The following C3orf80 variants were observed in gnomAD, a reference collection of about 807,000 sequenced individuals.
C3orf80 encodes the protein uncharacterized membrane protein C3orf80.
C3orf80 carries 10 observed loss-of-function variants against 15.8 expected under a neutral mutation model. The observed-to-expected ratio is 0.63, with a 90% CI of 0.39 to 1.07. The LOEUF (loss-of-function observed/expected upper bound fraction) is 1.07, where lower values mean the gene tolerates loss of function less well. Ranked by LOEUF, C3orf80 falls within the 50% of genes least tolerant of loss-of-function variation. The pLI, the probability that C3orf80 is intolerant of heterozygous loss-of-function variation, is 0.01. For missense variants in C3orf80, 364 were observed against 379.3 expected, an observed-to-expected ratio of 0.96 and a Z score of 0.34; for synonymous variants, 183 against 192.0, an observed-to-expected ratio of 0.95 and a Z score of 0.39.
Position 160,225,536 on chromosome 3 carries a change from G to A in C3orf80, c.-100G>A, listed in dbSNP as rs1406257855. The A allele has an allele frequency of 5.3e-6, 6 of 1,132,516 alleles. No homozygotes were observed. In the East Asian group the frequency reaches 1.7e-4, roughly 32 times the overall value. The allele number at this position is 1,132,516 out of a possible 1,614,324, so 70.2% of individuals were successfully genotyped here. On this transcript the variant is annotated 5_prime_UTR_variant, in exon 1 of 1. Coordinates refer to ENST00000326474, the MANE Select transcript of C3orf80 (RefSeq NM_001168214.2). This position sits in a 1 kb window ranked among gnomAD's most constrained non-coding sequence, Gnocchi z 5.6. The stretch of plus-strand genomic sequence containing the variant: ...AGCTGAGGCGCGGGAGGCGGCGCGC[G>A]CGGGACCCGAGCGGAGCGCCGGGGA...
Position 160,227,467 on chromosome 3 carries a change from T to C in C3orf80, c.*1088T>C, listed in dbSNP as rs1044391205. Reference sequence around the variant, plus strand: ...CTGTATGCATTATGTAGTATAGCTTTTAATTGTATCATTCATCACAGTTAT... The same window carrying C: ...CTGTATGCATTATGTAGTATAGCTTCTAATTGTATCATTCATCACAGTTAT... On this transcript the variant is annotated 3_prime_UTR_variant, in exon 1 of 1. Coordinates refer to ENST00000326474, the MANE Select transcript of C3orf80 (RefSeq NM_001168214.2). 3.3e-5 allele frequency: 5 copies of C among 152,246 alleles called. No individual in the cohort carries two copies. The highest frequency in any genetic ancestry group is 1.2e-4 in the African/African-American group (5 of 41,466). 9.4% of individuals were successfully genotyped at this position (152,246 alleles called of 1,614,324 possible). A position where few individuals can be genotyped will look rare whatever the true frequency, so the allele number is the denominator to read the frequency against.
chr3:160,227,024 G>C lies in C3orf80; in HGVS notation c.*645G>C, dbSNP rs1331654399. On this transcript the variant is annotated 3_prime_UTR_variant, in exon 1 of 1. Transcript: ENST00000326474. ...GGAGTGCGGGGAGTGGGCTAGGGGG[G>C]ACACCTGTGATACAAGGTTAGCTGC... 6.6e-6 allele frequency: 1 copy of C among 152,244 alleles called. No individual in the cohort carries two copies. The highest frequency in any genetic ancestry group is 1.5e-5 in the Non-Finnish European group (1 of 68,062). The allele number at this position is 152,244 out of a possible 1,614,324, so 9.4% of individuals were successfully genotyped here.
rs1318178464 is a variant in C3orf80 at position 160,227,303 on chromosome 3, A to G, written c.*924A>G. On this transcript the variant is annotated 3_prime_UTR_variant, in exon 1 of 1. Transcript: ENST00000326474. ...AATAAATCATTAAATTATTTCATTA[A>G]AAAAGAAAAACAGGTATGGTCAAAC... The G allele has an allele frequency of 6.6e-6, 1 of 152,214 alleles. No individual in the cohort carries two copies. Among genetic ancestry groups the G allele is most frequent in the Non-Finnish European group, 1.5e-5 (1 of 68,042 alleles). The allele number at this position is 152,214 out of a possible 1,614,324, so 9.4% of individuals were successfully genotyped here.
rs1466570539 is a variant in C3orf80, at chr3:160,227,164, G to A, written c.*785G>A. 3 of 152,166 alleles carry A rather than the reference G, an allele frequency of 2.0e-5. No homozygotes were observed. The highest frequency in any genetic ancestry group is 2.0e-4 in the Admixed American group (3 of 15,286). The allele number at this position is 152,166 out of a possible 1,614,324, so 9.4% of individuals were successfully genotyped here. On this transcript the variant is annotated 3_prime_UTR_variant, in exon 1 of 1. Coordinates refer to ENST00000326474, the MANE Select transcript of C3orf80 (RefSeq NM_001168214.2). Reference sequence around the variant, plus strand: ...TCTTTTATTCTAATATTTTTACCATGCATTGAACGCAACAGGAGGGTATTT... The same window carrying A: ...TCTTTTATTCTAATATTTTTACCATACATTGAACGCAACAGGAGGGTATTT...
At position 160,226,625 on chromosome 3, in the gene C3orf80, C is replaced by T; in HGVS notation, c.*246C>T. On this transcript the variant is annotated 3_prime_UTR_variant, in exon 1 of 1. Transcript: ENST00000326474. This position sits in a 1 kb window ranked among gnomAD's most constrained non-coding sequence, Gnocchi z 5.2. ...GGTGCGGCTGCAGCAGGCGACCCTC[C>T]AGCGCACCTTCGAAGGACGTCCCTG... 1 of 458,918 alleles carries T rather than the reference C, an allele frequency of 2.2e-6. No individual in the cohort carries two copies. Among genetic ancestry groups the T allele is most frequent in the Non-Finnish European group, 3.8e-6 (1 of 263,960 alleles). The allele number at this position is 458,918 out of a possible 1,614,324, so 28.4% of individuals were successfully genotyped here.
chr3:160,225,569 A>T lies in C3orf80; in HGVS notation c.-67A>T. 1 of 1,250,762 alleles carries T rather than the reference A, an allele frequency of 8.0e-7. No homozygotes were observed. Among genetic ancestry groups the T allele is most frequent in the East Asian group, 3.3e-5 (1 of 30,702 alleles). 77.5% of individuals were successfully genotyped at this position (1,250,762 alleles called of 1,614,324 possible). On this transcript the variant is annotated 5_prime_UTR_variant, in exon 1 of 1. Transcript: ENST00000326474. This position sits in a 1 kb window ranked among gnomAD's most constrained non-coding sequence, Gnocchi z 5.6. ...CGAGCGGAGCGCCGGGGAGGGGCCG[A>T]CGGACGCGAGGGCGGACGGACTCCC...
chr3:160,225,683 G>A lies in C3orf80; in HGVS notation c.48G>A (p.Ala16=). ...CTGAGGGCCTGTCGGTGGCTCCGGC[G>A]CCGCCGCCTCTGCTGCCGCTGCTGC... ...VTAEGLSVAP[A]PPPLLPLLLL... is the part of the protein sequence containing the mutation. The change falls in exon 1 of 1, where the codon GCG becomes GCA. Residue 16 remains alanine (A), a synonymous_variant. Coordinates refer to ENST00000326474, the MANE Select transcript of C3orf80 (RefSeq NM_001168214.2). The surrounding 1 kb of genome is among the most constrained non-coding windows in gnomAD (Gnocchi z 5.6). The A allele has an allele frequency of 1.4e-6, 2 of 1,394,296 alleles. No homozygotes were observed. The highest frequency in any genetic ancestry group is 3.2e-5 in the Admixed American group (1 of 31,158). The allele number at this position is 1,394,296 out of a possible 1,614,324, so 86.4% of individuals were successfully genotyped here. A position where few individuals can be genotyped will look rare whatever the true frequency, so the allele number is the denominator to read the frequency against.
rs531152164 is a variant in C3orf80, at chr3:160,226,033, G to A, written c.398G>A (p.Gly133Glu). The A allele has an allele frequency of 1.9e-4, 263 of 1,374,652 alleles. 1 individual carries two copies. The African/African-American group carries it at 3.2e-3, about 17-fold the overall frequency. The allele number at this position is 1,374,652 out of a possible 1,614,324, so 85.2% of individuals were successfully genotyped here. ...GGCGCCGGACCGCTGGGGGGCGCGG[G>A]GCCGCCCGACGACGACGACGACTCG... ...PGGAGPLGGA[G>E]PPDDDDDSPA... The change falls in exon 1 of 1, where the codon GGG becomes GAG. Residue 133 changes from glycine to glutamate, a missense_variant. Coordinates refer to ENST00000326474, the MANE Select transcript of C3orf80 (RefSeq NM_001168214.2). This position sits in a 1 kb window ranked among gnomAD's most constrained non-coding sequence, Gnocchi z 5.2.
chr3:160,227,340 T>C lies in C3orf80; in HGVS notation c.*961T>C, dbSNP rs142639983. ...AGGTATGGTCAAACGAGGAAGCATA[T>C]GTGACATAAAAAACATGAAGGATAT... On this transcript the variant is annotated 3_prime_UTR_variant, in exon 1 of 1. Coordinates refer to ENST00000326474, the MANE Select transcript of C3orf80 (RefSeq NM_001168214.2). The C allele has an allele frequency of 1.3e-3, 201 of 152,308 alleles. 1 individual carries two copies. The highest frequency in any genetic ancestry group is 4.6e-3 in the African/African-American group (193 of 41,574). The allele number at this position is 152,308 out of a possible 1,614,324, so 9.4% of individuals were successfully genotyped here.
At position 160,225,558 on chromosome 3, in the gene C3orf80, G is replaced by A. The variant is rs1725647303; in HGVS notation, c.-78G>A. The A allele has an allele frequency of 1.6e-6, 2 of 1,226,508 alleles. No individual in the cohort carries two copies. Among genetic ancestry groups the A allele is most frequent in the Non-Finnish European group, 2.0e-6 (2 of 978,198 alleles). The allele number at this position is 1,226,508 out of a possible 1,614,324, so 76.0% of individuals were successfully genotyped here. A position where few individuals can be genotyped will look rare whatever the true frequency, so the allele number is the denominator to read the frequency against. On this transcript the variant is annotated 5_prime_UTR_variant, in exon 1 of 1. Transcript: ENST00000326474. This position sits in a 1 kb window ranked among gnomAD's most constrained non-coding sequence, Gnocchi z 5.6. ...CGCGCGGGACCCGAGCGGAGCGCCG[G>A]GGAGGGGCCGACGGACGCGAGGGCG...
chr3:160,225,657 G>T lies in C3orf80; in HGVS notation c.22G>T (p.Ala8Ser). The T allele has an allele frequency of 7.2e-7, 1 of 1,395,630 alleles. No individual in the cohort carries two copies. Among genetic ancestry groups the T allele is most frequent in the South Asian group, 1.6e-5 (1 of 62,568 alleles). The allele number at this position is 1,395,630 out of a possible 1,614,324, so 86.5% of individuals were successfully genotyped here. A position where few individuals can be genotyped will look rare whatever the true frequency, so the allele number is the denominator to read the frequency against. Residue 8 changes from alanine (A) to serine (S), a missense_variant, in exon 1 of 1, where the codon GCT (alanine) becomes TCT (serine). By Grantham distance (99) the Ala-to-Ser change is moderately conservative. Transcript: ENST00000326474. This position sits in a 1 kb window ranked among gnomAD's most constrained non-coding sequence, Gnocchi z 5.6. ...GGCCATGTGGGGACCCGGGGTCACT[G>T]CTGAGGGCCTGTCGGTGGCTCCGGC... MWGPGVT[A>S]EGLSVAPAPP...
rs1711500239 is a variant in C3orf80, at chr3:160,226,481, G to T, written c.*102G>T. 4 of 1,253,374 alleles carry T rather than the reference G, an allele frequency of 3.2e-6. No individual in the cohort carries two copies. In the South Asian group the frequency reaches 7.5e-5, roughly 24 times the overall value. 77.6% of individuals were successfully genotyped at this position (1,253,374 alleles called of 1,614,324 possible). ...GCCTCAGACCTTATCTGGCACCCTG[G>T]CCTAACTGCCCGGCACCCCGCGACT... On this transcript the variant is annotated 3_prime_UTR_variant, in exon 1 of 1. Transcript: ENST00000326474. The surrounding 1 kb of genome is among the most constrained non-coding windows in gnomAD (Gnocchi z 5.2).
chr3:160,226,460 C>T lies in C3orf80; in HGVS notation c.*81C>T, dbSNP rs901127736. Reference sequence around the variant, plus strand: ...GCCGGGGTGCCGCCGCCAACTGCCTCAGACCTTATCTGGCACCCTGGCCTA... The same window carrying T: ...GCCGGGGTGCCGCCGCCAACTGCCTTAGACCTTATCTGGCACCCTGGCCTA... On this transcript the variant is annotated 3_prime_UTR_variant, in exon 1 of 1. Transcript: ENST00000326474. This position sits in a 1 kb window ranked among gnomAD's most constrained non-coding sequence, Gnocchi z 5.2. 7.9e-5 allele frequency: 107 copies of T among 1,348,424 alleles called. No individual in the cohort carries two copies. The highest frequency in any genetic ancestry group is 9.9e-5 in the Non-Finnish European group (104 of 1,048,180). 83.5% of individuals were successfully genotyped at this position (1,348,424 alleles called of 1,614,324 possible).
rs779911416 is a variant in C3orf80 at position 160,225,862 on chromosome 3, G to A, written c.227G>A (p.Gly76Asp). 2 of 1,488,978 alleles carry A rather than the reference G, an allele frequency of 1.3e-6. No individual in the cohort carries two copies. Among genetic ancestry groups the A allele is most frequent in the Admixed American group, 2.2e-5 (1 of 45,982 alleles). The allele number at this position is 1,488,978 out of a possible 1,614,324, so 92.2% of individuals were successfully genotyped here. ...LPLHAFLDNV[G>D]WFVRKLSGLL... ...CTGCACGCCTTCCTGGACAACGTGG[G>A]CTGGTTCGTCCGCAAGCTCTCCGGG... is the stretch of plus-strand genomic sequence containing the variant. Residue 76 changes from glycine to aspartate, a missense_variant, in exon 1 of 1, where the codon GGC (glycine) becomes GAC (aspartate). By Grantham distance (94) the Gly-to-Asp change is moderately conservative. Coordinates refer to ENST00000326474, the MANE Select transcript of C3orf80 (RefSeq NM_001168214.2). This position sits in a 1 kb window ranked among gnomAD's most constrained non-coding sequence, Gnocchi z 5.6.
In C3orf80 at chr3:160,225,557, G is replaced by A. The variant is rs193241086; in HGVS notation, c.-79G>A. 3.2e-4 allele frequency: 397 copies of A among 1,221,708 alleles called. 2 individuals are homozygous for A. The East Asian group carries it at 9.1e-3, about 28-fold the overall frequency. The allele number at this position is 1,221,708 out of a possible 1,614,324, so 75.7% of individuals were successfully genotyped here. A position where few individuals can be genotyped will look rare whatever the true frequency, so the allele number is the denominator to read the frequency against. On this transcript the variant is annotated 5_prime_UTR_variant, in exon 1 of 1. Transcript: ENST00000326474. This position sits in a 1 kb window ranked among gnomAD's most constrained non-coding sequence, Gnocchi z 5.6. ...GCGCGCGGGACCCGAGCGGAGCGCCGGGGAGGGGCCGACGGACGCGAGGGC... is the reference window on the plus strand; with the variant it reads ...GCGCGCGGGACCCGAGCGGAGCGCCAGGGAGGGGCCGACGGACGCGAGGGC...
chr3:160,226,003 C>T lies in C3orf80; in HGVS notation c.368C>T (p.Pro123Leu), dbSNP rs1725663452. The change falls in exon 1 of 1, where the codon CCG becomes CTG. Residue 123 changes from proline (P) to leucine (L), a missense_variant. Coordinates refer to ENST00000326474, the MANE Select transcript of C3orf80 (RefSeq NM_001168214.2). The surrounding 1 kb of genome is among the most constrained non-coding windows in gnomAD (Gnocchi z 5.2). ...CGCCCGGGACAGCGGCCCGGGCCTC[C>T]GGGGGGCGCCGGACCGCTGGGGGGC... ...QARPGQRPGPPGGAGPLGGAG... is the reference protein window; with the variant it reads ...QARPGQRPGPLGGAGPLGGAG... The T allele has an allele frequency of 2.3e-6, 3 of 1,316,236 alleles. No homozygotes were observed. Among genetic ancestry groups the T allele is most frequent in the African/African-American group, 1.5e-5 (1 of 65,080 alleles). 81.5% of individuals were successfully genotyped at this position (1,316,236 alleles called of 1,614,324 possible).
Position 160,225,836 on chromosome 3 carries a change from G to C in C3orf80, c.201G>C (p.Pro67=). The change falls in exon 1 of 1, where the codon CCG becomes CCC. Residue 67 remains proline (P), a synonymous_variant. Coordinates refer to ENST00000326474, the MANE Select transcript of C3orf80 (RefSeq NM_001168214.2). The surrounding 1 kb of genome is among the most constrained non-coding windows in gnomAD (Gnocchi z 5.6). ...NATAVRCCKL[P]LHAFLDNVGW... ...CGGCGGTGCGCTGCTGCAAGCTGCC[G>C]CTGCACGCCTTCCTGGACAACGTGG... 8 of 1,482,606 alleles carry C rather than the reference G, an allele frequency of 5.4e-6. No individual in the cohort carries two copies. The highest frequency in any genetic ancestry group is 7.1e-6 in the Non-Finnish European group (8 of 1,121,606). 91.8% of individuals were successfully genotyped at this position (1,482,606 alleles called of 1,614,324 possible). A position where few individuals can be genotyped will look rare whatever the true frequency, so the allele number is the denominator to read the frequency against.
rs1725655358 is a variant in C3orf80 at position 160,225,751 on chromosome 3, G to T, written c.116G>T (p.Gly39Val). 7.3e-7 allele frequency: 1 copy of T among 1,372,536 alleles called. No individual in the cohort carries two copies. Among genetic ancestry groups the T allele is most frequent in the Non-Finnish European group, 9.3e-7 (1 of 1,071,582 alleles). 85.0% of individuals were successfully genotyped at this position (1,372,536 alleles called of 1,614,324 possible). The change falls in exon 1 of 1, where the codon GGG (glycine) becomes GTG (valine). Residue 39 changes from glycine to valine, a missense_variant. By Grantham distance (109) the Gly-to-Val change is moderately radical. Transcript: ENST00000326474. This position sits in a 1 kb window ranked among gnomAD's most constrained non-coding sequence, Gnocchi z 5.6. The part of the protein sequence containing the change: ...LALVAPSRGG[G>V]GCAELACGER... ...CTGGTGGCGCCCTCGCGGGGCGGCG[G>T]GGGCTGCGCTGAGCTGGCGTGCGGC...
Position 160,226,154 on chromosome 3 carries a change from G to A in C3orf80, c.519G>A (p.Ser173=), listed in dbSNP as rs753949156. ...GGRGRGGGGR[S]DPSCASEHEM... ...GGGGCCGGGGAGGCGGCGGGCGCTCGGACCCCTCCTGCGCCTCAGAGCACG... is the reference window on the plus strand; with the variant it reads ...GGGGCCGGGGAGGCGGCGGGCGCTCAGACCCCTCCTGCGCCTCAGAGCACG... Residue 173 remains serine, a synonymous_variant, in exon 1 of 1, where the codon TCG becomes TCA. Coordinates refer to ENST00000326474, the MANE Select transcript of C3orf80 (RefSeq NM_001168214.2). The surrounding 1 kb of genome is among the most constrained non-coding windows in gnomAD (Gnocchi z 5.2). 2 of 1,522,494 alleles carry A rather than the reference G, an allele frequency of 1.3e-6. No individual in the cohort carries two copies. Among genetic ancestry groups the A allele is most frequent in the South Asian group, 2.4e-5 (2 of 82,896 alleles). 94.3% of individuals were successfully genotyped at this position (1,522,494 alleles called of 1,614,324 possible). A position where few individuals can be genotyped will look rare whatever the true frequency, so the allele number is the denominator to read the frequency against.
Sources: allele counts gnomAD v4.1 joint callset, GRCh38; gene constraint gnomAD v4.1.1; non-coding constraint Gnocchi (gnomAD v3.1); transcripts MANE v1.5; gene names NCBI Gene and HGNC (gene_info 2026-07-23, HGNC 2026-07-21).